SFMBT1: variants seen among roughly 807,000 people sequenced by gnomAD.
SFMBT1 encodes Scm like with four mbt domains 1.
SFMBT1 carries 32 observed loss-of-function variants against 108.7 expected under a neutral mutation model. That is an observed-to-expected ratio of 0.29 (90% CI 0.22 to 0.40). The LOEUF is 0.40. SFMBT1 is among the 10% of genes least tolerant of loss of function. The pLI, the probability that SFMBT1 is intolerant of heterozygous loss-of-function variation, is 1.00. For missense variants in SFMBT1, 816 were observed against 1,059.6 expected, an observed-to-expected ratio of 0.77 and a Z score of 3.19; for synonymous variants, 348 against 369.5, an observed-to-expected ratio of 0.94 and a Z score of 0.67.
At chr3:52,978,752 C>G (rs1704608035) in intron 1 of SFMBT1, among the ~76,000 whole-genome samples, 1 of 152,048 alleles carries the variant, frequency 6.6e-6, no homozygotes, top group Non-Finnish European at 1.5e-5. Context: ...TGTAATATAT[C>G]TAATATAATG....
rs1704975232 is a variant in SFMBT1 at position 52,987,674 on chromosome 3, G to C, written c.-130-18416C>G. On this transcript the variant is annotated intron_variant, in intron 1 of 20. Coordinates refer to ENST00000394752, the MANE Select transcript of SFMBT1 (RefSeq NM_016329.4). ...TGAGGTATGTCTTATACCATAGAGT[G>C]ATGGCCCTAGATGATCTGCGCTCAA... Among the ~76,000 whole-genome samples, 3 of 152,186 alleles carry C rather than the reference G, an allele frequency of 2.0e-5. No homozygotes were observed. The South Asian group carries it at 6.2e-4, about 31-fold the overall frequency.
At chr3:52,939,763 T>C (rs1703125923) in intron 4 of SFMBT1, among the ~76,000 whole-genome samples, 1 of 152,134 alleles carries the variant, frequency 6.6e-6, no homozygotes, top group Non-Finnish European at 1.5e-5. Flanking sequence ...TTCTTTCCTT[T>C]TTTTCATCTG....
Position 52,904,065 on chromosome 3 carries a change from T to C in SFMBT1, c.*1071A>G, listed in dbSNP as rs1244986858. On this transcript the variant is annotated 3_prime_UTR_variant, in exon 21 of 21. Transcript: ENST00000394752. ...ATGCTCTGCGTTACCCTCCAAAACA[T>C]GTTTTCTGTGCTGTGCTTCTACACT... 2.0e-5 allele frequency: 3 copies of C among 152,168 alleles called. No individual in the cohort carries two copies. The highest frequency in any genetic ancestry group is 2.1e-4 in the South Asian group (1 of 4,828). The allele number at this position is 152,168 out of a possible 1,614,324, so 9.4% of individuals were successfully genotyped here.
chr3:52,965,302 T>A (rs1559529283), intron 2 of SFMBT1, among the ~76,000 whole-genome samples: 2 of 138,244 alleles, frequency 1.4e-5, no homozygotes, highest in Admixed American at 7.4e-5. Flanking sequence ...AAAAACCCAA[T>A]CTAAACAACA....
intron 1 of SFMBT1, among the ~76,000 whole-genome samples, chr3:53,023,085 T>TA (rs1215238446): frequency 1.3e-5 from 2 of 152,316 alleles, no homozygotes; most frequent in East Asian, 3.9e-4. Flanking sequence ...TTTGGTGTCC[T>TA]TGTTCATAAA....
At chr3:53,013,533 C>A (rs192540992) in intron 1 of SFMBT1, among the ~76,000 whole-genome samples, 36 of 149,910 alleles carry the variant, frequency 2.4e-4, no homozygotes, top group Admixed American at 4.0e-4. Context: ...AATGCTCTCA[C>A]CATTTTGTTA....
chr3:53,045,635 T>G lies in SFMBT1; in HGVS notation c.-131+181A>C, dbSNP rs1245760259. 3.2e-3 allele frequency among the ~76,000 whole-genome samples: 371 copies of G among 114,942 alleles called. 1 individual carries two copies. The highest frequency in any genetic ancestry group is 0.011 in the African/African-American group (336 of 31,818). The allele number at this position is 114,942 out of a possible 152,430, so 75.4% of individuals were successfully genotyped here. ...CCCCGCCCCGCCCCCGCCCCCAACG[T>G]GCCGCCGCCGCCGCCCGTTGGCGCC... On this transcript the variant is annotated intron_variant, in intron 1 of 20. Coordinates refer to ENST00000394752, the MANE Select transcript of SFMBT1 (RefSeq NM_016329.4).
intron 17 of SFMBT1, among the ~76,000 whole-genome samples, chr3:52,910,212 G>C (rs1459838378): frequency 6.6e-6 from 1 of 152,002 alleles, no homozygotes; most frequent in Admixed American, 6.6e-5. Flanking sequence ...TCCCTTGTTT[G>C]TTATCTGTCT....
chr3:52,918,054 T>A (rs1292500570), intron 13 of SFMBT1, among the ~76,000 whole-genome samples: 1 of 152,218 alleles, frequency 6.6e-6, no homozygotes, highest in African/African-American at 2.4e-5. Flanking sequence ...TGCAGGTATG[T>A]TACAAACGAA....
chr3:52,996,756 T>C lies in SFMBT1; in HGVS notation c.-130-27498A>G, dbSNP rs537815536. ...AAAAATGGTACAGCCACTTTGAAAA[T>C]GGTTTGGCAATTTCTTAAAAAGCTA... On this transcript the variant is annotated intron_variant, in intron 1 of 20. Transcript: ENST00000394752. Among the ~76,000 whole-genome samples the C allele has an allele frequency of 9.2e-4, 139 of 150,328 alleles. 5 individuals carry two copies. The highest frequency in any genetic ancestry group is 1.7e-3 in the Non-Finnish European group (114 of 67,090).
chr3:52,977,071 T>G (rs966378388), intron 1 of SFMBT1, among the ~76,000 whole-genome samples: 3 of 152,198 alleles, frequency 2.0e-5, no homozygotes, highest in African/African-American at 7.2e-5. Context: ...CAGAAAAATA[T>G]CCTGAGACAA....
chr3:53,033,646 G>A (rs573017620), intron 1 of SFMBT1, among the ~76,000 whole-genome samples: 2 of 151,416 alleles, frequency 1.3e-5, no homozygotes, highest in Admixed American at 6.6e-5. Context: ...CGTATTTTAT[G>A]AGCCATCTGA....
chr3:52,920,589 C>T lies in SFMBT1; in HGVS notation c.1320G>A (p.Leu440=). The T allele has an allele frequency of 6.2e-7, 1 of 1,614,006 alleles. No homozygotes were observed. The highest frequency in any genetic ancestry group is 1.7e-5 in the Admixed American group (1 of 60,010). The change falls in exon 12 of 21, where the codon TTG becomes TTA. Residue 440 remains leucine, a synonymous_variant. Transcript: ENST00000394752. ...GGTGGCCGTTGGTTTCACACCAGCC[C>T]AAAGGAAATATATCCATGGATTCCA... ...VSVESMDIFP[L]GWCETNGHPL...
chr3:53,024,409 G>GT (rs748572421), intron 1 of SFMBT1, among the ~76,000 whole-genome samples: 3 of 152,234 alleles, frequency 2.0e-5, no homozygotes, highest in Non-Finnish European at 4.4e-5. Flanking sequence ...TCCTTGGCAT[G>GT]TTCCTATGTG....
Position 52,913,532 on chromosome 3 carries a change from A to G in SFMBT1, c.1566T>C (p.Ile522=), listed in dbSNP as rs762277083. The G allele has an allele frequency of 1.2e-6, 2 of 1,614,196 alleles. No homozygotes were observed. The highest frequency in any genetic ancestry group is 4.5e-5 in the East Asian group (2 of 44,888). Residue 522 remains isoleucine (I), a synonymous_variant, in exon 15 of 21, where the codon ATT becomes ATC. Coordinates refer to ENST00000394752, the MANE Select transcript of SFMBT1 (RefSeq NM_016329.4). ...FSGPYLNKGR[I]AELPQCVGPG... ...GTCCTACACATTGAGGCAGCTCAGC[A>G]ATTCTTCCTTTGTTAAGATATGGCC... is the stretch of plus-strand genomic sequence containing the variant.
rs189735732 is a variant in SFMBT1 at position 52,975,822 on chromosome 3, G to A, written c.-130-6564C>T. Reference sequence around the variant, plus strand: ...TCACCATGTTGGCCAGGCTGGTCTCGAACTCCTGACCTCAGGTGAGTTGAT... The same window carrying A: ...TCACCATGTTGGCCAGGCTGGTCTCAAACTCCTGACCTCAGGTGAGTTGAT... On this transcript the variant is annotated intron_variant, in intron 1 of 20. Coordinates refer to ENST00000394752, the MANE Select transcript of SFMBT1 (RefSeq NM_016329.4). 1.6e-3 allele frequency among the ~76,000 whole-genome samples: 237 copies of A among 152,086 alleles called. 1 individual carries two copies. Among genetic ancestry groups the A allele is most frequent in the African/African-American group, 5.4e-3 (226 of 41,510 alleles).
At chr3:52,925,986 C>T (rs1040277406) in intron 10 of SFMBT1, 45 bp downstream of exon 10, 3 of 1,368,560 alleles carry the variant, frequency 2.2e-6, no homozygotes, top group Non-Finnish European at 2.9e-6. Context: ...CACAGCAGTC[C>T]CTGCAGCCCT....
chr3:52,965,304 T>A, intron 2 of SFMBT1, among the ~76,000 whole-genome samples: 2 of 136,932 alleles, frequency 1.5e-5, no homozygotes, highest in Non-Finnish European at 1.6e-5. Context: ...AAACCCAATC[T>A]AAACAACAGA....
intron 1 of SFMBT1, among the ~76,000 whole-genome samples, chr3:53,040,966 GA>G (rs763072422): frequency 0.038 from 3,044 of 81,052 alleles, 95 homozygotes; most frequent in Middle Eastern, 0.067. Flanking sequence ...CAAGACACCT[GA>G]ATTTTTTTTT....
Sources: allele counts gnomAD v4.1 joint callset (sites outside exome capture counted in the v4.1 genomes callset), GRCh38; gene constraint gnomAD v4.1.1; transcripts MANE v1.5; gene names NCBI Gene and HGNC (gene_info 2026-07-23, HGNC 2026-07-21).